Variants in PIEZO2 observed in about 807,000 individuals in gnomAD.
PIEZO2 encodes piezo type mechanosensitive ion channel component 2, also known as piezo-type mechanosensitive ion channel component 2.
A neutral mutation model predicts 337.3 loss-of-function variants in PIEZO2; 172 were observed. The ratio of observed to expected loss-of-function variants is 0.51; its 90% CI spans 0.45 to 0.58. The LOEUF is 0.58. Among genes scored for constraint, PIEZO2 ranks in the 20% least tolerant of loss-of-function variants. PIEZO2 has a pLI of 0.00. For missense variants in PIEZO2, 3,028 were observed against 3,391.3 expected, an observed-to-expected ratio of 0.89 and a Z score of 2.66; for synonymous variants, 1,251 against 1,228.5, an observed-to-expected ratio of 1.02 and a Z score of -0.38.
intron 7 of PIEZO2, 75 bp from the exon 8 acceptor site, chr18:10,807,349 G>C (rs2040033843): frequency 2.9e-6 from 4 of 1,360,598 alleles, no homozygotes; most frequent in African/African-American, 1.5e-5. Context: ...AAAGTACTTT[G>C]TTTTTGATAC....
chr18:11,029,684 C>T (rs1017401902), intron 2 of PIEZO2, among the ~76,000 whole-genome samples: 9 of 152,120 alleles, frequency 5.9e-5, no homozygotes, highest in African/African-American at 1.4e-4. Context: ...CCCAGGCCAA[C>T]GTTTTTTGTG....
intron 3 of PIEZO2, among the ~76,000 whole-genome samples, chr18:10,915,069 T>C (rs1378349928): frequency 1.4e-5 from 2 of 141,064 alleles, no homozygotes; most frequent in Non-Finnish European, 3.1e-5. Flanking sequence ...CCCTCCTCTC[T>C]AATAACATTG....
rs533528881 is a variant in PIEZO2, at chr18:10,790,809, C to G, written c.1882+392G>C. On this transcript the variant is annotated intron_variant, in intron 14 of 55. Transcript: ENST00000674853. ...CGAGCTCCGCCTCCCAGGTTCACACCGTTCTCTTCCTCAGCCTCCTGAGTA... is the reference window on the plus strand; with the variant it reads ...CGAGCTCCGCCTCCCAGGTTCACACGGTTCTCTTCCTCAGCCTCCTGAGTA... 1.8e-4 allele frequency among the ~76,000 whole-genome samples: 28 copies of G among 151,822 alleles called. 2 individuals carry two copies. The East Asian group carries it at 4.9e-3, about 26-fold the overall frequency.
Position 11,034,298 on chromosome 18 carries a change from TC to T in PIEZO2, c.160+31828del, listed in dbSNP as rs199598419. 1.3e-3 allele frequency among the ~76,000 whole-genome samples: 194 copies of T among 150,358 alleles called. 1 individual carries two copies. Among genetic ancestry groups the T allele is most frequent in the African/African-American group, 3.5e-3 (145 of 41,130 alleles). On this transcript the variant is annotated intron_variant, in intron 2 of 55. Coordinates refer to ENST00000674853, the MANE Select transcript of PIEZO2 (RefSeq NM_001378183.1). ...ATTAAATGTATCATTTCTTTTCTTT[TC>T]TTTTTTTTTTCTTTTTGGCGGCGTC...
intron 33 of PIEZO2, chr18:10,740,798 G>A: frequency 4.5e-6 from 3 of 661,124 alleles, no homozygotes; most frequent in African/African-American, 1.8e-5. Context: ...CACGTGTTTG[G>A]CTTTCTACAG....
intron 4 of PIEZO2, among the ~76,000 whole-genome samples, chr18:10,900,235 A>G (rs982938144): frequency 4.0e-5 from 6 of 151,898 alleles, no homozygotes; most frequent in Non-Finnish European, 7.4e-5. Context: ...ACACATACAC[A>G]TGTATATATA....
At chr18:10,733,727 C>T (rs1278527252) in intron 35 of PIEZO2, among the ~76,000 whole-genome samples, 3 of 152,210 alleles carry the variant, frequency 2.0e-5, no homozygotes, top group South Asian at 2.1e-4. Context: ...GGATTACAGG[C>T]GTGAGCCACA....
chr18:10,848,665 C>G (rs1237338966), intron 7 of PIEZO2, among the ~76,000 whole-genome samples: 2 of 152,166 alleles, frequency 1.3e-5, no homozygotes, highest in Non-Finnish European at 2.9e-5. Flanking sequence ...AAGTCCGACC[C>G]CTGCAGTGAC....
chr18:11,014,762 G>C (rs55742794), intron 2 of PIEZO2, among the ~76,000 whole-genome samples: 1 of 140,394 alleles, frequency 7.1e-6, no homozygotes, highest in Non-Finnish European at 1.5e-5. Context: ...AGCAATCCGG[G>C]GCCCCCTCAT....
At chr18:11,138,273 GT>G (rs368368415) in intron 1 of PIEZO2, among the ~76,000 whole-genome samples, 3 of 152,014 alleles carry the variant, frequency 2.0e-5, no homozygotes, top group African/African-American at 7.2e-5. Flanking sequence ...AAGATATAGT[GT>G]TTTTTTTGTT....
intron 2 of PIEZO2, among the ~76,000 whole-genome samples, chr18:11,019,189 G>C (rs1024725286): frequency 1.3e-5 from 2 of 152,178 alleles, no homozygotes; most frequent in Non-Finnish European, 2.9e-5. Context: ...AGCCTTCTAA[G>C]GGTCCTCCCT....
intron 2 of PIEZO2, 148 bp downstream of exon 2, chr18:11,065,979 C>A: frequency 1.6e-6 from 1 of 619,060 alleles, no homozygotes; most frequent in Non-Finnish European, 2.8e-6. Context: ...TAGTGTAGTT[C>A]TTAAAATGTT....
intron 1 of PIEZO2, among the ~76,000 whole-genome samples, chr18:11,088,561 G>T (rs78141770): frequency 0.11 from 16,107 of 152,160 alleles, 1,026 homozygotes; most frequent in Non-Finnish European, 0.15. Flanking sequence ...TGTGTTAATT[G>T]TTTTCTTTAT....
At chr18:10,892,573 T>C (rs1209932598) in intron 4 of PIEZO2, among the ~76,000 whole-genome samples, 1 of 152,104 alleles carries the variant, frequency 6.6e-6, no homozygotes, top group Non-Finnish European at 1.5e-5. Context: ...TGATTGTGTA[T>C]ATTTTCAAAT....
intron 2 of PIEZO2, among the ~76,000 whole-genome samples, chr18:11,036,307 G>A (rs1428068633): frequency 2.0e-5 from 3 of 152,094 alleles, no homozygotes; most frequent in Admixed American, 6.5e-5. Context: ...AAGCCATAAC[G>A]TTAAGAATTG....
intron 10 of PIEZO2, 132 bp from the exon 11 acceptor site, chr18:10,800,607 A>T (rs1231874194): frequency 9.4e-6 from 10 of 1,065,966 alleles, no homozygotes; most frequent in Non-Finnish European, 1.3e-5. Context: ...AACTTAGCCA[A>T]TTGCCCAAAT....
In PIEZO2 at chr18:11,009,091, C is replaced by A. The variant is rs1400834053; in HGVS notation, c.161-29431G>T. On this transcript the variant is annotated intron_variant, in intron 2 of 55. Coordinates refer to ENST00000674853, the MANE Select transcript of PIEZO2 (RefSeq NM_001378183.1). The surrounding 1 kb of genome is among the most constrained non-coding windows in gnomAD (Gnocchi z 4.6). ...ACTACGTACGTGATTGTGTTCAAAT[C>A]CTTCAGAATCTCTGTGACCTACCCT... Among the ~76,000 whole-genome samples the A allele has an allele frequency of 6.6e-6, 1 of 152,164 alleles. No homozygotes were observed. Among genetic ancestry groups the A allele is most frequent in the East Asian group, 1.9e-4 (1 of 5,194 alleles).
chr18:10,856,431 G>A lies in PIEZO2; in HGVS notation c.703+570C>T, dbSNP rs368455109. Among the ~76,000 whole-genome samples, 3 of 152,120 alleles carry A rather than the reference G, an allele frequency of 2.0e-5. No homozygotes were observed. The highest frequency in any genetic ancestry group is 2.1e-4 in the South Asian group (1 of 4,824). On this transcript the variant is annotated intron_variant, in intron 6 of 55. Coordinates refer to ENST00000674853, the MANE Select transcript of PIEZO2 (RefSeq NM_001378183.1). This position sits in a 1 kb window ranked among gnomAD's most constrained non-coding sequence, Gnocchi z 4.7. ...ACTCTAATACGCCTCCCATAGCTCC[G>A]GGGCAGTGGTGAGCAGTGGAATGGA...
At chr18:10,871,116 A>G in intron 5 of PIEZO2, 137 bp downstream of exon 5, 1 of 907,848 alleles carries the variant, frequency 1.1e-6, no homozygotes, top group East Asian at 2.8e-5. Context: ...ATGCAATTTG[A>G]CAGTAAACGT....
Sources: allele counts gnomAD v4.1 joint callset (sites outside exome capture counted in the v4.1 genomes callset), GRCh38; gene constraint gnomAD v4.1.1; non-coding constraint Gnocchi (gnomAD v3.1); transcripts MANE v1.5; gene names NCBI Gene and HGNC (gene_info 2026-07-23, HGNC 2026-07-21).